Variants in PLCB1 observed in about 807,000 individuals in gnomAD.
The protein encoded by PLCB1 is phospholipase C beta 1.
A neutral mutation model predicts 161.8 loss-of-function variants in PLCB1; 46 were observed. The ratio of observed to expected loss-of-function variants is 0.28; its 90% CI spans 0.22 to 0.36. The LOEUF is 0.36. Ranked by LOEUF, PLCB1 falls within the 10% of genes least tolerant of loss-of-function variation. The pLI, the probability that PLCB1 is intolerant of heterozygous loss-of-function variation, is 1.00. For missense variants in PLCB1, 1,016 were observed against 1,472.5 expected, an observed-to-expected ratio of 0.69 and a Z score of 5.07; for synonymous variants, 517 against 503.7, an observed-to-expected ratio of 1.03 and a Z score of -0.35.
intron 2 of PLCB1, among the ~76,000 whole-genome samples, chr20:8,266,679 A>G (rs2294259): frequency 1.3e-5 from 2 of 152,108 alleles, no homozygotes; most frequent in Middle Eastern, 3.4e-3. Context: ...GACCTCCCCA[A>G]CTGGACTTTT....
chr20:8,243,584 C>T (rs1980726018), intron 2 of PLCB1, among the ~76,000 whole-genome samples: 1 of 151,852 alleles, frequency 6.6e-6, no homozygotes, highest in Non-Finnish European at 1.5e-5. Flanking sequence ...AGAGACAAGC[C>T]ATATGCTTTG....
chr20:8,146,785 A>G (rs2051458233), intron 1 of PLCB1, among the ~76,000 whole-genome samples: 1 of 152,206 alleles, frequency 6.6e-6, no homozygotes, highest in East Asian at 1.9e-4. Context: ...TTACTAAATA[A>G]CATCTTCTTA....
chr20:8,400,639 A>G (rs1978507969), intron 3 of PLCB1, among the ~76,000 whole-genome samples: 1 of 152,196 alleles, frequency 6.6e-6, no homozygotes, highest in South Asian at 2.1e-4. Flanking sequence ...ATGACATGCT[A>G]TCAAATGCTA....
At position 8,733,392 on chromosome 20, in the gene PLCB1, G is replaced by A. The variant is rs1159207474; in HGVS notation, c.2043G>A (p.Lys681=). Residue 681 remains lysine (K), a splice_region_variant and synonymous_variant, in exon 19 of 32, where the codon AAG becomes AAA. Coordinates refer to ENST00000338037, the MANE Select transcript of PLCB1 (RefSeq NM_015192.4). The part of the protein sequence containing the change: ...DGIVANTLSV[K]IISGQFLSDK... ...TAGTGGCAAACACTTTGTCTGTTAAGGTAGGTATACCCCATCACAAAATTG... is the reference window on the plus strand; with the variant it reads ...TAGTGGCAAACACTTTGTCTGTTAAAGTAGGTATACCCCATCACAAAATTG... 1 of 1,613,324 alleles carries A rather than the reference G, an allele frequency of 6.2e-7. No homozygotes were observed. Among genetic ancestry groups the A allele is most frequent in the South Asian group, 1.1e-5 (1 of 91,054 alleles).
intron 27 of PLCB1, among the ~76,000 whole-genome samples, chr20:8,781,548 G>A (rs6086591): frequency 0.33 from 49,423 of 151,758 alleles, 8,579 homozygotes; most frequent in East Asian, 0.49. Context: ...TCATGGCTTC[G>A]TATTACTTTA....
chr20:8,241,420 C>T (rs1600256322), intron 2 of PLCB1, among the ~76,000 whole-genome samples: 1 of 151,846 alleles, frequency 6.6e-6, no homozygotes, highest in African/African-American at 2.4e-5. Context: ...TGAACGCTCT[C>T]GTGTTTGAGG....
chr20:8,376,682 A>T (rs905965121), intron 3 of PLCB1, among the ~76,000 whole-genome samples: 9 of 152,200 alleles, frequency 5.9e-5, no homozygotes, highest in Non-Finnish European at 1.2e-4. Flanking sequence ...TAATCCCAGC[A>T]CTTTGGGTGG....
intron 31 of PLCB1, among the ~76,000 whole-genome samples, chr20:8,857,153 G>A (rs1019129848): frequency 6.6e-6 from 1 of 152,150 alleles, no homozygotes; most frequent in Non-Finnish European, 1.5e-5. Flanking sequence ...ACTTGCTGGT[G>A]GCAGGGTTTC....
At chr20:8,148,551 T>C (rs1314075724) in intron 1 of PLCB1, among the ~76,000 whole-genome samples, 1 of 152,208 alleles carries the variant, frequency 6.6e-6, no homozygotes, top group East Asian at 1.9e-4. Context: ...GTAATTCCAC[T>C]TCTGGGTATA....
At chr20:8,618,093 C>A (rs1988082358) in intron 3 of PLCB1, among the ~76,000 whole-genome samples, 1 of 152,112 alleles carries the variant, frequency 6.6e-6, no homozygotes, top group African/African-American at 2.4e-5. Context: ...GAACACTTGA[C>A]TTCCCAGTTT....
chr20:8,408,829 C>T (rs1197351326), intron 3 of PLCB1, among the ~76,000 whole-genome samples: 3 of 152,142 alleles, frequency 2.0e-5, no homozygotes, highest in African/African-American at 7.2e-5. Flanking sequence ...CTGCCCACGC[C>T]ACAAATATAG....
intron 6 of PLCB1, among the ~76,000 whole-genome samples, chr20:8,648,830 A>G (rs1439717518): frequency 2.0e-5 from 3 of 152,034 alleles, no homozygotes; most frequent in South Asian, 4.1e-4. Context: ...AGTTCTAACT[A>G]CTAGGGAGGC....
intron 2 of PLCB1, among the ~76,000 whole-genome samples, chr20:8,247,080 C>T (rs1418999441): frequency 6.6e-6 from 1 of 151,944 alleles, no homozygotes; most frequent in Non-Finnish European, 1.5e-5. Context: ...CCAAGGAGCA[C>T]TGTCATATTC....
chr20:8,604,286 T>G (rs964771676), intron 3 of PLCB1, among the ~76,000 whole-genome samples: 1 of 150,920 alleles, frequency 6.6e-6, no homozygotes, highest in Non-Finnish European at 1.5e-5. Context: ...AAAGGTTACT[T>G]TGATATTTTA....
chr20:8,839,459 G>A (rs373211453), intron 31 of PLCB1, among the ~76,000 whole-genome samples: 6 of 152,278 alleles, frequency 3.9e-5, no homozygotes, highest in African/African-American at 9.6e-5. Flanking sequence ...TATGCAAGCA[G>A]CTCTGTCACT....
intron 31 of PLCB1, among the ~76,000 whole-genome samples, chr20:8,851,556 A>C (rs1333277782): frequency 6.6e-6 from 1 of 152,162 alleles, no homozygotes; most frequent in Non-Finnish European, 1.5e-5. Context: ...ATGGTAGCAG[A>C]TGCCTGGGAC....
chr20:8,720,249 C>T (rs1474681067), intron 14 of PLCB1, among the ~76,000 whole-genome samples: 1 of 152,158 alleles, frequency 6.6e-6, no homozygotes, highest in Non-Finnish European at 1.5e-5. Context: ...CTCTTATTAA[C>T]AGGATGCATA....
chr20:8,267,366 A>G (rs1410074819), intron 2 of PLCB1, among the ~76,000 whole-genome samples: 1 of 152,098 alleles, frequency 6.6e-6, no homozygotes, highest in African/African-American at 2.4e-5. Context: ...TGTCTGACAC[A>G]GTGCAAACAT....
In PLCB1 at chr20:8,148,762, G is replaced by C. The variant is rs80248131; in HGVS notation, c.100-1532G>C. ...CACATGCTCCATGAATGAAGTTTTA[G>C]GACTTTATGCCAAATAAAATAAGCC... On this transcript the variant is annotated intron_variant, in intron 1 of 31. Transcript: ENST00000338037. Among the ~76,000 whole-genome samples the C allele has an allele frequency of 2.8e-3, 419 of 152,246 alleles. 1 individual carries two copies. Among genetic ancestry groups the C allele is most frequent in the African/African-American group, 9.1e-3 (378 of 41,540 alleles).
Sources: allele counts gnomAD v4.1 joint callset (sites outside exome capture counted in the v4.1 genomes callset), GRCh38; gene constraint gnomAD v4.1.1; transcripts MANE v1.5; gene names NCBI Gene and HGNC (gene_info 2026-07-23, HGNC 2026-07-21).